Variants in QRICH2 observed in about 807,000 individuals in gnomAD.
The protein encoded by QRICH2 is glutamine-rich protein 2.
Under a neutral mutation model 168.3 loss-of-function variants are expected in QRICH2, and 119 were observed. The ratio of observed to expected loss-of-function variants is 0.71; its 90% CI spans 0.61 to 0.82. QRICH2 has a LOEUF of 0.82. QRICH2 is among the 40% of genes least tolerant of loss of function. The pLI, the probability that QRICH2 is intolerant of heterozygous loss-of-function variation, is 0.00. For missense variants in QRICH2, 2,241 were observed against 2,491.6 expected, an observed-to-expected ratio of 0.90 and a Z score of 2.14; for synonymous variants, 894 against 951.2, an observed-to-expected ratio of 0.94 and a Z score of 1.11.
Position 76,293,403 on chromosome 17 carries a change from T to TA in QRICH2, c.1323dup (p.Met442TyrfsTer18), listed in dbSNP as rs770962335. The TA allele has an allele frequency of 6.2e-7, 1 of 1,614,180 alleles. No individual in the cohort carries two copies. The highest frequency in any genetic ancestry group is 8.5e-7 in the Non-Finnish European group (1 of 1,180,036). The stretch of plus-strand genomic sequence containing the variant: ...CTGCCAGGTACTGATGGTGGCAACA[T>TA]ACGTTGCTCATCCACGACAAATGGT... On this transcript the variant is annotated frameshift_variant, in exon 4 of 19. Coordinates refer to ENST00000680821, the MANE Select transcript of QRICH2 (RefSeq NM_001388453.1). LOFTEE classifies it high-confidence loss of function.
chr17:76,296,349 G>GCTTGCTGC (rs1416159455), intron 3 of QRICH2, among the ~76,000 whole-genome samples: 2 of 152,214 alleles, frequency 1.3e-5, no homozygotes, highest in Non-Finnish European at 2.9e-5. Context: ...TATCACCCTG[G>GCTTGCTGC]CTTGCTGCCT....
chr17:76,298,276 C>T (rs1316203507), intron 3 of QRICH2, among the ~76,000 whole-genome samples: 3 of 149,478 alleles, frequency 2.0e-5, no homozygotes, highest in Non-Finnish European at 4.4e-5. Context: ...CTCCACCTCC[C>T]GGCGCCATTC....
rs1324325929 is a variant in QRICH2 at position 76,280,291 on chromosome 17, T to C, written c.4622A>G (p.Asn1541Ser). The change falls in exon 11 of 19, where the codon AAC (asparagine) becomes AGC (serine). Residue 1541 changes from asparagine (N) to serine (S), a missense_variant. Coordinates refer to ENST00000680821, the MANE Select transcript of QRICH2 (RefSeq NM_001388453.1). This position sits in a 1 kb window ranked among gnomAD's most constrained non-coding sequence, Gnocchi z 7.4. ...MLDRLLTEMDNKLDRLELDPV... is the reference protein window; with the variant it reads ...MLDRLLTEMDSKLDRLELDPV... Reference sequence around the variant, plus strand: ...CCCGCCATGCCCCTGCCTCACCTTGTTGTCCATCTCTGTGAGCAGCCTGTC... The same window carrying C: ...CCCGCCATGCCCCTGCCTCACCTTGCTGTCCATCTCTGTGAGCAGCCTGTC... 3 of 1,614,104 alleles carry C rather than the reference T, an allele frequency of 1.9e-6. No individual in the cohort carries two copies. The highest frequency in any genetic ancestry group is 2.5e-6 in the Non-Finnish European group (3 of 1,179,982).
chr17:76,291,881 T>C lies in QRICH2; in HGVS notation c.2846A>G (p.His949Arg). The C allele has an allele frequency of 3.1e-6, 5 of 1,614,114 alleles. No homozygotes were observed. Among genetic ancestry groups the C allele is most frequent in the Non-Finnish European group, 3.4e-6 (4 of 1,180,036 alleles). ...LGLVQPGAYL[H>R]DLSQSGTYPR... is the part of the protein sequence containing the mutation. ...ATATGTCCCAGATTGAGATAAATCA[T>C]GCAAATATGCACCAGGTTGTACCAA... The change falls in exon 4 of 19, where the codon CAT becomes CGT. Residue 949 changes from histidine to arginine, a missense_variant. By Grantham distance (29) the His-to-Arg change is conservative. Around this residue, in one of 3 missense-constraint regions of QRICH2, gnomAD observed 2,047 missense variants for 2,303.8 expected, o/e 0.89. Coordinates refer to ENST00000680821, the MANE Select transcript of QRICH2 (RefSeq NM_001388453.1).
chr17:76,282,926 G>A (rs1301623166), intron 7 of QRICH2, among the ~76,000 whole-genome samples: 4 of 152,216 alleles, frequency 2.6e-5, no homozygotes, highest in Non-Finnish European at 5.9e-5. Flanking sequence ...AAGGTGGATT[G>A]AGAGTGGAAT....
At chr17:76,278,882 C>A (rs1294390748) in intron 14 of QRICH2, among the ~76,000 whole-genome samples, 159 bp downstream of exon 14, 2 of 152,260 alleles carry the variant, frequency 1.3e-5, no homozygotes. Context: ...CTGCGGCCCC[C>A]ACTGTCCCAT....
At chr17:76,302,559 G>A (rs1331957564) in intron 3 of QRICH2, among the ~76,000 whole-genome samples, 1 of 152,168 alleles carries the variant, frequency 6.6e-6, no homozygotes, top group Non-Finnish European at 1.5e-5. Context: ...AGTCACAAAG[G>A]TCTTTACAAG....
chr17:76,275,701 C>G (rs891418819), intron 18 of QRICH2, 118 bp downstream of exon 18: 50 of 1,316,208 alleles, frequency 3.8e-5, no homozygotes, highest in Middle Eastern at 4.7e-4. Flanking sequence ...CCCATCCCCC[C>G]CTTCGGCTCC....
intron 3 of QRICH2, among the ~76,000 whole-genome samples, chr17:76,301,257 G>A (rs2070892664): frequency 6.6e-6 from 1 of 150,820 alleles, no homozygotes; most frequent in Non-Finnish European, 1.5e-5. Flanking sequence ...TACAACAAAT[G>A]AGCCAAAATC....
At chr17:76,287,061 CACACACACACACACACACACACACACA>C in intron 7 of QRICH2, 104 bp downstream of exon 7, 2 of 450,916 alleles carry the variant, frequency 4.4e-6, no homozygotes, top group South Asian at 1.9e-5. Context: ...CACACACACA[CACACACACACACACACACACACACACA>C]TGATGGGAGG....
chr17:76,292,180 A>G lies in QRICH2; in HGVS notation c.2547T>C (p.His849=). The change falls in exon 4 of 19, where the codon CAT becomes CAC. Residue 849 remains histidine, a synonymous_variant. Transcript: ENST00000680821. Reference sequence around the variant, plus strand: ...GATCTGCACCAGGTTGGACCAAACCATGCTGAACTGCACCAGGTTGGACCA... The same window carrying G: ...GATCTGCACCAGGTTGGACCAAACCGTGCTGAACTGCACCAGGTTGGACCA... ...RGLVQPGAVQ[H]GLVQPGADQR... 2 of 1,495,712 alleles carry G rather than the reference A, an allele frequency of 1.3e-6. No homozygotes were observed. Among genetic ancestry groups the G allele is most frequent in the Non-Finnish European group, 1.8e-6 (2 of 1,108,834 alleles). The allele number at this position is 1,495,712 out of a possible 1,614,324, so 92.7% of individuals were successfully genotyped here. A position where few individuals can be genotyped will look rare whatever the true frequency, so the allele number is the denominator to read the frequency against.
chr17:76,293,344 G>A lies in QRICH2; in HGVS notation c.1383C>T (p.Asp461=). The A allele has an allele frequency of 6.2e-7, 1 of 1,614,154 alleles. No individual in the cohort carries two copies. The highest frequency in any genetic ancestry group is 8.5e-7 in the Non-Finnish European group (1 of 1,180,044). ...DQQGLELPST[D]QHGLVSVSAY... ...CACTGACTGAAACCAGACCATGTTG[G>A]TCTGTGCTAGGTAGTTCCAATCCTT... The change falls in exon 4 of 19, where the codon GAC becomes GAT. Residue 461 remains aspartate (D), a synonymous_variant. Transcript: ENST00000680821.
rs146504717 is a variant in QRICH2 at position 76,277,204 on chromosome 17, G to A, written c.5224C>T (p.Arg1742Trp). ...YHRSRPQHLP[R>W]GLYPTEEIQI... ...ATCTCTTCAGTAGGATACAGGCCCC[G>A]GGGAAGGTGCTGCGGGCGGCTGCGG... is the stretch of plus-strand genomic sequence containing the variant. The change falls in exon 16 of 19, where the codon CGG (arginine) becomes TGG (tryptophan). Residue 1742 changes from arginine to tryptophan, a missense_variant. Around this residue, in one of 3 missense-constraint regions of QRICH2, gnomAD observed 2,047 missense variants for 2,303.8 expected, o/e 0.89. Transcript: ENST00000680821. The A allele has an allele frequency of 9.5e-5, 152 of 1,603,134 alleles. No individual in the cohort carries two copies. In the African/African-American group the frequency reaches 1.7e-3, roughly 18 times the overall value.
Position 76,300,114 on chromosome 17 carries a change from G to A in QRICH2, c.705+4301C>T, listed in dbSNP as rs566674901. Among the ~76,000 whole-genome samples, 109 of 152,214 alleles carry A rather than the reference G, an allele frequency of 7.2e-4. 1 individual carries two copies. The highest frequency in any genetic ancestry group is 1.7e-3 in the South Asian group (8 of 4,772). ...CAAAGTGCTGGAATTACAGGCGTGAGCCACCGCACCTGGCCAAGCCAAATC... is the reference window on the plus strand; with the variant it reads ...CAAAGTGCTGGAATTACAGGCGTGAACCACCGCACCTGGCCAAGCCAAATC... On this transcript the variant is annotated intron_variant, in intron 3 of 18. Coordinates refer to ENST00000680821, the MANE Select transcript of QRICH2 (RefSeq NM_001388453.1).
At position 76,281,758 on chromosome 17, in the gene QRICH2, C is replaced by T; in HGVS notation, c.4263+106G>A. 7.0e-7 allele frequency: 1 copy of T among 1,437,818 alleles called. No homozygotes were observed. The highest frequency in any genetic ancestry group is 9.6e-7 in the Non-Finnish European group (1 of 1,047,108). The allele number at this position is 1,437,818 out of a possible 1,614,324, so 89.1% of individuals were successfully genotyped here. A position where few individuals can be genotyped will look rare whatever the true frequency, so the allele number is the denominator to read the frequency against. On this transcript the variant is annotated intron_variant, in intron 8 of 18. Coordinates refer to ENST00000680821, the MANE Select transcript of QRICH2 (RefSeq NM_001388453.1). This position sits in a 1 kb window ranked among gnomAD's most constrained non-coding sequence, Gnocchi z 4.4. Reference sequence around the variant, plus strand: ...AAGGGCTCCGCCACGGAGAGCTGACCTTGAGGCCCAAACACCCGCCCCACT... The same window carrying T: ...AAGGGCTCCGCCACGGAGAGCTGACTTTGAGGCCCAAACACCCGCCCCACT...
intron 3 of QRICH2, among the ~76,000 whole-genome samples, chr17:76,301,703 A>ATTTTTTTT (rs370779519): frequency 0.016 from 1,985 of 121,690 alleles, 130 homozygotes; most frequent in African/African-American, 0.047. Context: ...GTGTTTTATA[A>ATTTTTTTT]TTTTTTTTTT....
chr17:76,286,672 C>G (rs563673828), intron 7 of QRICH2, among the ~76,000 whole-genome samples: 1 of 151,856 alleles, frequency 6.6e-6, no homozygotes, highest in Non-Finnish European at 1.5e-5. Context: ...AGGGAAAGAT[C>G]GTGATCAGCC....
At position 76,293,311 on chromosome 17, in the gene QRICH2, C is replaced by T; in HGVS notation, c.1416G>A (p.Gln472=). 6.2e-7 allele frequency: 1 copy of T among 1,614,082 alleles called. No homozygotes were observed. The highest frequency in any genetic ancestry group is 8.5e-7 in the Non-Finnish European group (1 of 1,180,036). ...CTGTGCCAGGAAATGTCATACCATG[C>T]TGATATGCACTGACTGAAACCAGAC... The part of the protein sequence containing the change: ...QHGLVSVSAY[Q]HGMTFPGTDQ... The change falls in exon 4 of 19, where the codon CAG becomes CAA. Residue 472 remains glutamine (Q), a synonymous_variant. Coordinates refer to ENST00000680821, the MANE Select transcript of QRICH2 (RefSeq NM_001388453.1).
At chr17:76,294,615 C>T (rs184342032) in intron 3 of QRICH2, among the ~76,000 whole-genome samples, 1 of 151,408 alleles carries the variant, frequency 6.6e-6, no homozygotes, top group East Asian at 2.0e-4. Flanking sequence ...GACTTTGAGA[C>T]CTGCCTGGCC....
Sources: gnomAD v4.1 joint callset for allele counts (sites outside exome capture counted in the v4.1 genomes callset) on GRCh38, gnomAD v4.1.1 for gene constraint, gnomAD v4.1.1 regional missense constraint, Gnocchi (gnomAD v3.1) non-coding constraint, MANE v1.5 for transcripts, NCBI Gene and HGNC (gene_info 2026-07-23, HGNC 2026-07-21) for gene names.